Variants in TYW1 observed in about 807,000 individuals in gnomAD.
TYW1 encodes tRNA-yW synthesizing protein 1 homolog, also known as S-adenosyl-L-methionine-dependent tRNA 4-demethylwyosine synthase TYW1.
A neutral mutation model predicts 96.2 loss-of-function variants in TYW1; 46 were observed. The observed-to-expected ratio is 0.48, with a 90% CI of 0.38 to 0.61. The LOEUF (loss-of-function observed/expected upper bound fraction) is 0.61, where lower values mean the gene tolerates loss of function less well. TYW1 is among the 20% of genes least tolerant of loss of function. The pLI, the probability that TYW1 is intolerant of heterozygous loss-of-function variation, is 0.00. For synonymous variants in TYW1, 274 were observed against 323.0 expected (o/e 0.85, Z 1.63); for missense variants, 684 against 909.6 (o/e 0.75, Z 3.19).
chr7:67,024,136 A>G (rs745948452), intron 6 of TYW1, among the ~76,000 whole-genome samples: 3 of 152,032 alleles, frequency 2.0e-5, no homozygotes, highest in Non-Finnish European at 4.4e-5. Context: ...CCACTCCATC[A>G]TGCCCTTTCA....
intron 11 of TYW1, among the ~76,000 whole-genome samples, chr7:67,094,804 C>G (rs761187355): frequency 1.3e-5 from 2 of 151,960 alleles, no homozygotes; most frequent in Non-Finnish European, 2.9e-5. Flanking sequence ...AGTGGCCAAC[C>G]TGGGGATTCA....
intron 13 of TYW1, among the ~76,000 whole-genome samples, chr7:67,135,554 C>T (rs1246751631): frequency 6.6e-6 from 1 of 151,540 alleles, no homozygotes; most frequent in Non-Finnish European, 1.5e-5. Context: ...TCCACCGCCT[C>T]GGCCTCCCAA....
chr7:67,147,734 T>C (rs1170141138), intron 13 of TYW1, among the ~76,000 whole-genome samples: 1 of 152,162 alleles, frequency 6.6e-6, no homozygotes, highest in African/African-American at 2.4e-5. Flanking sequence ...GCTCCAACCA[T>C]GTCCCTGCAA....
At chr7:67,093,022 C>G (rs574343251) in intron 11 of TYW1, among the ~76,000 whole-genome samples, 28 of 152,152 alleles carry the variant, frequency 1.8e-4, no homozygotes, top group Admixed American at 1.1e-3. Flanking sequence ...AAAAAATTAG[C>G]CAAGTGTGGT....
intron 15 of TYW1, among the ~76,000 whole-genome samples, chr7:67,195,641 C>G (rs1800369461): frequency 6.6e-6 from 1 of 152,116 alleles, no homozygotes; most frequent in African/African-American, 2.4e-5. Context: ...TAGTCCTTTC[C>G]TGGAATGACA....
At chr7:67,119,121 CCTT>C (rs1385991931) in intron 13 of TYW1, among the ~76,000 whole-genome samples, 4 of 21,180 alleles carry the variant, frequency 1.9e-4, no homozygotes, top group African/African-American at 1.1e-3. Context: ...CATTAATCCT[CCTT>C]CCTTCCTTCC....
intron 15 of TYW1, among the ~76,000 whole-genome samples, chr7:67,219,383 G>T (rs1354888798): frequency 6.6e-6 from 1 of 152,058 alleles, no homozygotes; most frequent in Non-Finnish European, 1.5e-5. Flanking sequence ...TTTGGTATCA[G>T]GATAATGCTG....
chr7:67,060,534 T>C (rs1309565377), intron 9 of TYW1, among the ~76,000 whole-genome samples: 1 of 152,282 alleles, frequency 6.6e-6, no homozygotes, highest in East Asian at 1.9e-4. Flanking sequence ...CCCTATGAGC[T>C]GTTTTGTTTT....
intron 13 of TYW1, among the ~76,000 whole-genome samples, chr7:67,121,460 C>T (rs750464397): frequency 6.6e-6 from 1 of 152,092 alleles, no homozygotes; most frequent in Non-Finnish European, 1.5e-5. Context: ...AGAATTGCTT[C>T]AACCGAGGAG....
chr7:67,028,778 A>G (rs1193566755), intron 7 of TYW1, among the ~76,000 whole-genome samples: 4 of 152,086 alleles, frequency 2.6e-5, no homozygotes, highest in Non-Finnish European at 5.9e-5. Context: ...AGTTGTATGA[A>G]TTTGCCTTAA....
At chr7:67,022,295 T>C (rs575530899) in intron 6 of TYW1, among the ~76,000 whole-genome samples, 8 of 152,318 alleles carry the variant, frequency 5.3e-5, no homozygotes, top group East Asian at 1.9e-4. Context: ...GCTTTGGTGT[T>C]AGAGGGGCAG....
At chr7:67,109,461 T>C (rs1797338371) in intron 12 of TYW1, among the ~76,000 whole-genome samples, 1 of 152,094 alleles carries the variant, frequency 6.6e-6, no homozygotes, top group Non-Finnish European at 1.5e-5. Flanking sequence ...CCTGTGGAAA[T>C]TAACCAAAGG....
intron 7 of TYW1, among the ~76,000 whole-genome samples, chr7:67,033,158 A>G (rs573227660): frequency 6.6e-6 from 1 of 151,692 alleles, no homozygotes; most frequent in Admixed American, 6.6e-5. Flanking sequence ...GAGCCTCCCA[A>G]AGTGTTGGGA....
At chr7:67,055,267 G>A (rs1180520655) in intron 8 of TYW1, among the ~76,000 whole-genome samples, 1 of 151,972 alleles carries the variant, frequency 6.6e-6, no homozygotes, top group African/African-American at 2.4e-5. Context: ...TAGAGACAGA[G>A]AGGTTAAAAT....
At position 67,079,043 on chromosome 7, in the gene TYW1, T is replaced by G. The variant is rs187836213; in HGVS notation, c.1275-4387T>G. Among the ~76,000 whole-genome samples the G allele has an allele frequency of 3.1e-3, 479 of 152,316 alleles. 2 individuals are homozygous for G. Among genetic ancestry groups the G allele is most frequent in the Non-Finnish European group, 5.2e-3 (351 of 68,036 alleles). ...CAGGGATATTGGCATGCTATTTTCC[T>G]TTTCTTTTTTGTTGTGTTTTTGTCT... On this transcript the variant is annotated intron_variant, in intron 10 of 15. Transcript: ENST00000359626.
intron 14 of TYW1, among the ~76,000 whole-genome samples, chr7:67,185,004 A>G (rs2103029): frequency 3.9e-5 from 6 of 152,004 alleles, no homozygotes; most frequent in Admixed American, 3.3e-4. Context: ...CTACCGCGCC[A>G]GGCCTGAGAT....
intron 6 of TYW1, 108 bp downstream of exon 6, chr7:67,018,251 A>C: frequency 2.1e-6 from 3 of 1,433,486 alleles, no homozygotes; most frequent in Non-Finnish European, 2.8e-6. Context: ...GTTAGAAGGA[A>C]GATCTGGCTG....
chr7:67,148,546 C>T (rs1409715543), intron 13 of TYW1, among the ~76,000 whole-genome samples: 1 of 151,440 alleles, frequency 6.6e-6, no homozygotes, highest in Non-Finnish European at 1.5e-5. Context: ...CTGCCTCAGC[C>T]TCCCGAGTAG....
chr7:67,077,061 A>C (rs1796230886), intron 10 of TYW1, among the ~76,000 whole-genome samples: 1 of 152,156 alleles, frequency 6.6e-6, no homozygotes, highest in East Asian at 1.9e-4. Context: ...GGCGTGACCC[A>C]CTATGCCCAG....
Sources: gnomAD v4.1 joint callset for allele counts (sites outside exome capture counted in the v4.1 genomes callset) on GRCh38, gnomAD v4.1.1 for gene constraint, MANE v1.5 for transcripts, NCBI Gene and HGNC (gene_info 2026-07-23, HGNC 2026-07-21) for gene names.